POPDC3: variants seen among roughly 807,000 people sequenced by gnomAD.
POPDC3 encodes popeye domain cAMP effector 3.
A neutral mutation model predicts 28.2 loss-of-function variants in POPDC3; 20 were observed. That is an observed-to-expected ratio of 0.71 (90% CI 0.50 to 1.03). The LOEUF is 1.03. POPDC3 is among the 50% of genes least tolerant of loss of function. The pLI is 0.00. For missense variants in POPDC3, 316 were observed against 345.9 expected (o/e 0.91, Z 0.69); for synonymous variants, 118 against 124.1 (o/e 0.95, Z 0.33).
At chr6:105,174,851 T>A (rs1008090239) in intron 1 of POPDC3, among the ~76,000 whole-genome samples, 3 of 152,226 alleles carry the variant, frequency 2.0e-5, no homozygotes, top group African/African-American at 7.2e-5. Context: ...GTGATTTCAT[T>A]TAGTTATAAA....
chr6:105,173,895 C>A (rs1774631103), intron 1 of POPDC3, among the ~76,000 whole-genome samples: 1 of 151,536 alleles, frequency 6.6e-6, no homozygotes, highest in Non-Finnish European at 1.5e-5. Flanking sequence ...ACAGATTATT[C>A]CAATAGAAAG....
chr6:105,179,061 A>G (rs1774732574), intron 1 of POPDC3: 3 of 985,330 alleles, frequency 3.0e-6, no homozygotes, highest in Non-Finnish European at 3.6e-6. Flanking sequence ...ACTTTCTGCA[A>G]ATGTCTTCTG....
chr6:105,159,708 T>C lies in POPDC3; in HGVS notation c.594+3A>G. On this transcript the variant is annotated splice_donor_region_variant and intron_variant, in intron 3 of 3. Coordinates refer to ENST00000254765, the MANE Select transcript of POPDC3 (RefSeq NM_022361.5). ...GCTAACTGTGTGTTCTGGTATCCCT[T>C]ACCTGAAAAATGCCTTCCTCTGTGG... The C allele has an allele frequency of 6.4e-7, 1 of 1,563,356 alleles. No individual in the cohort carries two copies. Among genetic ancestry groups the C allele is most frequent in the Non-Finnish European group, 8.8e-7 (1 of 1,133,986 alleles).
chr6:105,175,507 C>T (rs771886504), intron 1 of POPDC3, among the ~76,000 whole-genome samples: 17 of 149,518 alleles, frequency 1.1e-4, no homozygotes, highest in Non-Finnish European at 1.6e-4. Context: ...CACTACAGTC[C>T]AGCCTGGGTG....
Position 105,166,334 on chromosome 6 carries a change from A to G in POPDC3, c.-251-4174T>C, listed in dbSNP as rs1314901692. ...GTGTTTGACTGGGGCCCAGCTCCAG[A>G]GACTGTTACTTAACTGGCCTGTTTT... On this transcript the variant is annotated intron_variant, in intron 1 of 3. Transcript: ENST00000254765. 2.0e-5 allele frequency among the ~76,000 whole-genome samples: 3 copies of G among 152,126 alleles called. No homozygotes were observed. The East Asian group carries it at 5.8e-4, about 29-fold the overall frequency.
chr6:105,177,283 A>G (rs747563197), intron 1 of POPDC3, among the ~76,000 whole-genome samples: 24 of 152,224 alleles, frequency 1.6e-4, no homozygotes, highest in Non-Finnish European at 3.1e-4. Flanking sequence ...AAAATGAAAC[A>G]GACAATGTAA....
chr6:105,176,371 C>T (rs1255779208), intron 1 of POPDC3, among the ~76,000 whole-genome samples: 1 of 152,042 alleles, frequency 6.6e-6, no homozygotes, highest in East Asian at 2.0e-4. Context: ...GATGAGCTGG[C>T]CGCCTGTGAT....
At position 105,163,248 on chromosome 6, in the gene POPDC3, T is replaced by C. The variant is rs539989449; in HGVS notation, c.-251-1088A>G. Among the ~76,000 whole-genome samples, 18 of 152,342 alleles carry C rather than the reference T, an allele frequency of 1.2e-4. No homozygotes were observed. The East Asian group carries it at 3.3e-3, about 28-fold the overall frequency. On this transcript the variant is annotated intron_variant, in intron 1 of 3. Transcript: ENST00000254765. Reference sequence around the variant, plus strand: ...CATATGATGAAATAAATATTAATATTCCTGTTACTTACATATTTATTTATC... The same window carrying C: ...CATATGATGAAATAAATATTAATATCCCTGTTACTTACATATTTATTTATC...
chr6:105,178,533 CA>C (rs1249313936), intron 1 of POPDC3, among the ~76,000 whole-genome samples: 1 of 150,622 alleles, frequency 6.6e-6, no homozygotes, highest in East Asian at 2.0e-4. Context: ...TCTTAGATTT[CA>C]ATTAATATTT....
chr6:105,162,502 T>G (rs548574092), intron 1 of POPDC3, among the ~76,000 whole-genome samples: 1 of 151,744 alleles, frequency 6.6e-6, no homozygotes, highest in Non-Finnish European at 1.5e-5. Flanking sequence ...GAGGCTGAGG[T>G]GGGTGGATCA....
chr6:105,179,225 A>G (rs1774736393), intron 1 of POPDC3: 2 of 985,318 alleles, frequency 2.0e-6, no homozygotes, highest in Admixed American at 1.2e-4. Context: ...GGGGATCCCC[A>G]AATGGAGAAA....
chr6:105,161,310 T>C lies in POPDC3; in HGVS notation c.485+115A>G, dbSNP rs190235706. The stretch of plus-strand genomic sequence containing the variant: ...CAAGTATCAAAGACTTCCTCAAGCC[T>C]CAGGGTGCTAAATGCCACCCAGGAC... On this transcript the variant is annotated intron_variant, in intron 2 of 3. Coordinates refer to ENST00000254765, the MANE Select transcript of POPDC3 (RefSeq NM_022361.5). The C allele has an allele frequency of 2.6e-6, 3 of 1,133,908 alleles. No individual in the cohort carries two copies. In the Admixed American group the frequency reaches 6.8e-5, roughly 26 times the overall value. 70.2% of individuals were successfully genotyped at this position (1,133,908 alleles called of 1,614,324 possible).
rs986672650 is a variant in POPDC3 at position 105,167,985 on chromosome 6, A to G, written c.-251-5825T>C. Reference sequence around the variant, plus strand: ...AAATGAAAAGACTTGGCATGATGCTATGCAAACATTGCATATGTATAATGC... The same window carrying G: ...AAATGAAAAGACTTGGCATGATGCTGTGCAAACATTGCATATGTATAATGC... On this transcript the variant is annotated intron_variant, in intron 1 of 3. Coordinates refer to ENST00000254765, the MANE Select transcript of POPDC3 (RefSeq NM_022361.5). Among the ~76,000 whole-genome samples the G allele has an allele frequency of 3.9e-5, 6 of 152,246 alleles. No individual in the cohort carries two copies. In the South Asian group the frequency reaches 1.2e-3, roughly 31 times the overall value.
chr6:105,174,411 TATA>T (rs1369418852), intron 1 of POPDC3, among the ~76,000 whole-genome samples: 1 of 152,140 alleles, frequency 6.6e-6, no homozygotes, highest in African/African-American at 2.4e-5. Context: ...GCGAAGGCTA[TATA>T]ATCCGGAGGT....
intron 2 of POPDC3, 27 bp downstream of exon 2, chr6:105,161,398 A>C (rs2114526504): frequency 2.5e-6 from 4 of 1,588,952 alleles, no homozygotes; most frequent in Non-Finnish European, 3.4e-6. Context: ...ACTTGAGGAA[A>C]GACATGCAAG....
chr6:105,165,520 C>A (rs1582992619), intron 1 of POPDC3, among the ~76,000 whole-genome samples: 1 of 152,316 alleles, frequency 6.6e-6, no homozygotes, highest in African/African-American at 2.4e-5. Flanking sequence ...TGCCTTCTCC[C>A]TTCTCACTCT....
intron 1 of POPDC3, among the ~76,000 whole-genome samples, chr6:105,175,076 A>C (rs1420220617): frequency 6.6e-6 from 1 of 151,920 alleles, no homozygotes; most frequent in Non-Finnish European, 1.5e-5. Flanking sequence ...CTGAGGCAGG[A>C]GAATCACTTG....
At chr6:105,170,368 T>A (rs1324359498) in intron 1 of POPDC3, among the ~76,000 whole-genome samples, 1 of 152,110 alleles carries the variant, frequency 6.6e-6, no homozygotes, top group African/African-American at 2.4e-5. Context: ...TTTCCTTTAC[T>A]CTAAGTGACC....
Position 105,161,642 on chromosome 6 carries a change from T to C in POPDC3, c.268A>G (p.Met90Val), listed in dbSNP as rs770539103. ...WNFVLFVICF[M>V]QFVHIAYQVR... ...TGATATGCAATATGAACAAATTGCA[T>C]GAAGCAGATGACAAACAGTACAAAA... Residue 90 changes from methionine (M) to valine (V), a missense_variant, in exon 2 of 4, where the codon ATG becomes GTG. By Grantham distance (21) the Met-to-Val change is conservative. Coordinates refer to ENST00000254765, the MANE Select transcript of POPDC3 (RefSeq NM_022361.5). 2.5e-6 allele frequency: 4 copies of C among 1,614,194 alleles called. No individual in the cohort carries two copies. The South Asian group carries it at 3.3e-5, about 13-fold the overall frequency.
Sources: allele counts gnomAD v4.1 joint callset (sites outside exome capture counted in the v4.1 genomes callset), GRCh38; gene constraint gnomAD v4.1.1; transcripts MANE v1.5; gene names NCBI Gene and HGNC (gene_info 2026-07-23, HGNC 2026-07-21).